Variants in NCAPH2 observed in about 807,000 individuals in gnomAD.
The protein encoded by NCAPH2 is condensin-2 complex subunit H2.
In NCAPH2, 56 loss-of-function variants were observed where a neutral mutation model predicts 88.6. That is an observed-to-expected ratio of 0.63 (90% CI 0.51 to 0.79). The LOEUF (loss-of-function observed/expected upper bound fraction) is 0.79. Among genes scored for constraint, NCAPH2 ranks in the 30% least tolerant of loss-of-function variants. The pLI is 0.00. For missense variants in NCAPH2, 794 were observed against 792.0 expected (o/e 1.00, Z -0.03); for synonymous variants, 378 against 313.6 (o/e 1.21, Z -2.17).
At chr22:50,514,810 TC>T (rs2068871915) in intron 1 of NCAPH2, among the ~76,000 whole-genome samples, 1 of 152,176 alleles carries the variant, frequency 6.6e-6, no homozygotes, top group Non-Finnish European at 1.5e-5. Flanking sequence ...TGGAAGTGAC[TC>T]CCCTTGGGGA....
chr22:50,523,339 C>G lies in NCAPH2; in HGVS notation c.1782C>G (p.Phe594Leu). ...CGCACCAGCGAGCGCACAAGCGCTT[C>G]CAGACCTACGCTGCCCCCTCCATGG... Reference protein sequence around the residue: ...LLTHQRAHKRFQTYAAPSMAQ... With the variant: ...LLTHQRAHKRLQTYAAPSMAQ... The change falls in exon 20 of 20, where the codon TTC (phenylalanine) becomes TTG (leucine). Residue 594 changes from phenylalanine to leucine, a missense_variant. Transcript: ENST00000420993. 6.4e-7 allele frequency: 1 copy of G among 1,565,326 alleles called. No individual in the cohort carries two copies. Among genetic ancestry groups the G allele is most frequent in the Non-Finnish European group, 8.7e-7 (1 of 1,155,326 alleles).
In NCAPH2 at chr22:50,518,187, T is replaced by C. The variant is rs781476433; in HGVS notation, c.555T>C (p.Val185=). ...AGGATTTCAGGATGAACACGTGCGT[T>C]CCCCACCCCAGAGGGGCCTTCATGT... ...SRKDFRMNTC[V]PHPRGAFMLE... Residue 185 remains valine, a synonymous_variant, in exon 7 of 20, where the codon GTT becomes GTC. Transcript: ENST00000420993. 12 of 1,614,070 alleles carry C rather than the reference T, an allele frequency of 7.4e-6. No homozygotes were observed. In the South Asian group the frequency reaches 1.3e-4, roughly 18 times the overall value.
Position 50,517,739 on chromosome 22 carries a change from A to G in NCAPH2, c.352-2A>G. ...GCCCCCACGAGCTCTGTCTCCCTCC[A>G]GTTCCTGTCGCTGGATGACTTCCCT... On this transcript the variant is annotated splice_acceptor_variant, in intron 4 of 19. Coordinates refer to ENST00000420993, the MANE Select transcript of NCAPH2 (RefSeq NM_152299.4). LOFTEE classifies it high-confidence loss of function. The G allele has an allele frequency of 6.2e-7, 1 of 1,614,060 alleles. No homozygotes were observed. Among genetic ancestry groups the G allele is most frequent in the Non-Finnish European group, 8.5e-7 (1 of 1,180,024 alleles).
At chr22:50,510,378 G>A (rs1351534994) in intron 1 of NCAPH2, among the ~76,000 whole-genome samples, 1 of 152,014 alleles carries the variant, frequency 6.6e-6, no homozygotes, top group Non-Finnish European at 1.5e-5. Flanking sequence ...TGGGACTATA[G>A]CTGTGCACCA....
chr22:50,515,488 C>T (rs566250336), intron 1 of NCAPH2, among the ~76,000 whole-genome samples: 1 of 152,154 alleles, frequency 6.6e-6, no homozygotes, highest in Non-Finnish European at 1.5e-5. Context: ...GCTCCGCCTC[C>T]CAGGTTCATG....
Position 50,523,327 on chromosome 22 carries a change from G to A in NCAPH2, c.1770G>A (p.Ala590=), listed in dbSNP as rs373457996. ...MSLRLLTHQR[A]HKRFQTYAAP... is the part of the protein sequence containing the mutation. ...TGAGACTGCTCACGCACCAGCGAGCGCACAAGCGCTTCCAGACCTACGCTG... is the reference window on the plus strand; with the variant it reads ...TGAGACTGCTCACGCACCAGCGAGCACACAAGCGCTTCCAGACCTACGCTG... Residue 590 remains alanine (A), a synonymous_variant, in exon 20 of 20, where the codon GCG becomes GCA. Transcript: ENST00000420993. 90 of 1,576,812 alleles carry A rather than the reference G, an allele frequency of 5.7e-5. No individual in the cohort carries two copies. The Middle Eastern group carries it at 9.9e-4, about 17-fold the overall frequency.
chr22:50,509,388 T>C (rs2068723891), intron 1 of NCAPH2, among the ~76,000 whole-genome samples: 1 of 152,218 alleles, frequency 6.6e-6, no homozygotes, highest in Non-Finnish European at 1.5e-5. Flanking sequence ...TCTTCATTTT[T>C]CTGCTTAAAC....
chr22:50,522,777 G>T (rs1569521259), intron 17 of NCAPH2, 44 bp from the exon 18 acceptor site: 2 of 1,612,378 alleles, frequency 1.2e-6, no homozygotes. Flanking sequence ...GCGGTGCCCA[G>T]GCCCCTGCTT....
In NCAPH2 at chr22:50,523,716, G is replaced by A. The variant is rs143858092; in HGVS notation, c.*341G>A. The A allele has an allele frequency of 6.2e-7, 1 of 1,614,102 alleles. No individual in the cohort carries two copies. The highest frequency in any genetic ancestry group is 8.5e-7 in the Non-Finnish European group (1 of 1,180,038). On this transcript the variant is annotated 3_prime_UTR_variant, in exon 20 of 20. Coordinates refer to ENST00000420993, the MANE Select transcript of NCAPH2 (RefSeq NM_152299.4). ...AGTAATCCGTGAAGAGGCCGTCAGG[G>A]TTGAGCAGGTAGATGGCAATGGAGT... is the stretch of plus-strand genomic sequence containing the variant.
intron 5 of NCAPH2, 64 bp from the exon 6 acceptor site, chr22:50,517,909 G>C: frequency 6.2e-7 from 1 of 1,603,138 alleles, no homozygotes; most frequent in East Asian, 2.2e-5. Flanking sequence ...ATTGCCCCAT[G>C]TGGGTCCTGT....
At chr22:50,511,331 C>T (rs1375342266) in intron 1 of NCAPH2, among the ~76,000 whole-genome samples, 1 of 139,794 alleles carries the variant, frequency 7.2e-6, no homozygotes, top group Non-Finnish European at 1.5e-5. Flanking sequence ...ACTCTGTCGC[C>T]CAGGCTGGAG....
chr22:50,515,065 G>T (rs767233149), intron 1 of NCAPH2, among the ~76,000 whole-genome samples: 2 of 152,238 alleles, frequency 1.3e-5, no homozygotes, highest in Non-Finnish European at 2.9e-5. Flanking sequence ...ACCAGTGTCA[G>T]GCACTGAACA....
chr22:50,511,443 C>T (rs2068780314), intron 1 of NCAPH2, among the ~76,000 whole-genome samples: 1 of 144,206 alleles, frequency 6.9e-6, no homozygotes, highest in Non-Finnish European at 1.5e-5. Context: ...GCACCCGCCA[C>T]CACGCCCGGC....
In NCAPH2 at chr22:50,521,053, C is replaced by G. The variant is rs567324646; in HGVS notation, c.933+17C>G. 1 of 1,549,162 alleles carries G rather than the reference C, an allele frequency of 6.5e-7. No individual in the cohort carries two copies. The highest frequency in any genetic ancestry group is 8.7e-7 in the Non-Finnish European group (1 of 1,146,602). ...TGCGTGAAGGTAGGAGTGTTGGGGC[C>G]CTGACCCCCGGCAGGGAGGGATGGG... On this transcript the variant is annotated intron_variant, in intron 10 of 19. Coordinates refer to ENST00000420993, the MANE Select transcript of NCAPH2 (RefSeq NM_152299.4).
At chr22:50,519,997 A>G (rs1310470244) in intron 9 of NCAPH2, among the ~76,000 whole-genome samples, 1 of 151,866 alleles carries the variant, frequency 6.6e-6, no homozygotes, top group Non-Finnish European at 1.5e-5. Context: ...CAGCCTCCCA[A>G]GTAGCTGGGA....
intron 1 of NCAPH2, among the ~76,000 whole-genome samples, chr22:50,510,023 C>T (rs2068742327): frequency 6.6e-6 from 1 of 152,204 alleles, no homozygotes; most frequent in Admixed American, 6.5e-5. Flanking sequence ...CTCCTGGGTT[C>T]ACATCATTCT....
At chr22:50,515,758 G>C (rs756943098) in intron 1 of NCAPH2, 1 of 1,299,994 alleles carries the variant, frequency 7.7e-7, no homozygotes, top group Non-Finnish European at 1.0e-6. Flanking sequence ...ATGAGCCAGC[G>C]TTGGGGAAGA....
At chr22:50,519,374 C>T in intron 9 of NCAPH2, 54 bp downstream of exon 9, 1 of 1,601,946 alleles carries the variant, frequency 6.2e-7, no homozygotes, top group Non-Finnish European at 8.5e-7. Flanking sequence ...GCAACCCTGG[C>T]TCTGGGGCCG....
chr22:50,508,273 C>T lies in NCAPH2; in HGVS notation c.-65C>T. On this transcript the variant is annotated 5_prime_UTR_variant, in exon 1 of 20. Transcript: ENST00000420993. Reference sequence around the variant, plus strand: ...AAATGGCGCCAGAACTAGTGGCGGGCTGAGGACGCCGTACCCCTCGGAAGG... The same window carrying T: ...AAATGGCGCCAGAACTAGTGGCGGGTTGAGGACGCCGTACCCCTCGGAAGG... 2 of 1,222,942 alleles carry T rather than the reference C, an allele frequency of 1.6e-6. No homozygotes were observed. The highest frequency in any genetic ancestry group is 1.1e-6 in the Non-Finnish European group (1 of 910,322). 75.8% of individuals were successfully genotyped at this position (1,222,942 alleles called of 1,614,324 possible).
Sources: allele counts gnomAD v4.1 joint callset (sites outside exome capture counted in the v4.1 genomes callset), GRCh38; gene constraint gnomAD v4.1.1; transcripts MANE v1.5; gene names NCBI Gene and HGNC (gene_info 2026-07-23, HGNC 2026-07-21).